The following ZFC3H1 variants were observed in gnomAD, a reference collection of about 807,000 sequenced individuals.
ZFC3H1 encodes zinc finger C3H1 domain-containing protein.
In ZFC3H1, 71 loss-of-function variants were observed where a neutral mutation model predicts 243.7. That is an observed-to-expected ratio of 0.29 (90% CI 0.24 to 0.36). The LOEUF (loss-of-function observed/expected upper bound fraction) is 0.36, where lower values mean the gene tolerates loss of function less well. Among genes scored for constraint, ZFC3H1 ranks in the 10% least tolerant of loss-of-function variants. The probability of loss-of-function intolerance (pLI) is 1.00; values close to 1 mark genes in which losing one functional copy is unlikely to be tolerated. For missense variants in ZFC3H1, 1,966 were observed against 2,317.1 expected, an observed-to-expected ratio of 0.85 and a Z score of 3.11; for synonymous variants, 838 against 813.0, an observed-to-expected ratio of 1.03 and a Z score of -0.52.
chr12:71,656,950 A>C lies in ZFC3H1; in HGVS notation c.950T>G (p.Leu317Trp). Reference sequence around the variant, plus strand: ...TTTTGCTCCATCTTTAACTTTTTTCAAACGGTTCTTATCTCCTGGTAAAGT... The same window carrying C: ...TTTTGCTCCATCTTTAACTTTTTTCCAACGGTTCTTATCTCCTGGTAAAGT... Reference protein sequence around the residue: ...KLTLPGDKNRLKKVKDGAKPL... With the variant: ...KLTLPGDKNRWKKVKDGAKPL... Residue 317 changes from leucine (L) to tryptophan (W), a missense_variant, in exon 2 of 35, where the codon TTG becomes TGG. Around this residue, in one of 4 missense-constraint regions of ZFC3H1, gnomAD observed 484 missense variants for 449.7 expected, o/e 1.08. Transcript: ENST00000378743. The C allele has an allele frequency of 6.2e-7, 1 of 1,613,714 alleles. No individual in the cohort carries two copies. Among genetic ancestry groups the C allele is most frequent in the Non-Finnish European group, 8.5e-7 (1 of 1,179,862 alleles).
chr12:71,630,653 G>A lies in ZFC3H1; in HGVS notation c.3671C>T (p.Ser1224Phe), dbSNP rs752074320. Residue 1224 changes from serine to phenylalanine, a missense_variant, in exon 18 of 35, where the codon TCT becomes TTT. Coordinates refer to ENST00000378743, the MANE Select transcript of ZFC3H1 (RefSeq NM_144982.5). Reference sequence around the variant, plus strand: ...ACTTGTCTCTGCACAACCAATCAAAGACAGATTATATGACAGAATGTCCTG... The same window carrying A: ...ACTTGTCTCTGCACAACCAATCAAAAACAGATTATATGACAGAATGTCCTG... ...LFQDILSYNL[S>F]LIGCAETSTN... 1.9e-6 allele frequency: 3 copies of A among 1,613,586 alleles called. No individual in the cohort carries two copies. The highest frequency in any genetic ancestry group is 2.5e-6 in the Non-Finnish European group (3 of 1,179,792).
At chr12:71,629,572 CA>C in intron 19 of ZFC3H1, 36 bp downstream of exon 19, 1 of 1,244,902 alleles carries the variant, frequency 8.0e-7, no homozygotes. Flanking sequence ...CACACACACA[CA>C]CACACACACA....
At chr12:71,615,431 A>C (rs1879871774) in intron 27 of ZFC3H1, 115 bp from the exon 28 acceptor site, 2 of 701,498 alleles carry the variant, frequency 2.9e-6, no homozygotes, top group Non-Finnish European at 4.8e-6. Flanking sequence ...TTTTTTTAGA[A>C]AGCAATGAGA....
chr12:71,619,988 A>G lies in ZFC3H1; in HGVS notation c.4987T>C (p.Phe1663Leu). Residue 1663 changes from phenylalanine to leucine, a missense_variant, in exon 26 of 35, where the codon TTT (phenylalanine) becomes CTT (leucine). Coordinates refer to ENST00000378743, the MANE Select transcript of ZFC3H1 (RefSeq NM_144982.5). ...TCTGCATTCTGAGGATTTTTTTCAA[A>G]TGCAGTAAGCCACACTGCTCTGGCT... The part of the protein sequence containing the change: ...DKARAVWLTA[F>L]EKNPQNAEVF... 6.2e-7 allele frequency: 1 copy of G among 1,606,912 alleles called. No homozygotes were observed. The highest frequency in any genetic ancestry group is 8.5e-7 in the Non-Finnish European group (1 of 1,175,664).
Position 71,623,653 on chromosome 12 carries a change from AAC to A in ZFC3H1, c.4507-58_4507-57del, listed in dbSNP as rs1880087796. The stretch of plus-strand genomic sequence containing the variant: ...AAATTAGAGATGTCAGTACCAGATT[AAC>A]ATAATTTTTACTATGCTAAAGTTTA... On this transcript the variant is annotated intron_variant, in intron 23 of 34. Transcript: ENST00000378743. The A allele has an allele frequency of 5.5e-6, 7 of 1,277,712 alleles. No individual in the cohort carries two copies. In the South Asian group the frequency reaches 1.0e-4, roughly 18 times the overall value. 79.1% of individuals were successfully genotyped at this position (1,277,712 alleles called of 1,614,324 possible).
Position 71,609,792 on chromosome 12 carries a change from A to C in ZFC3H1, c.*636T>G, listed in dbSNP as rs1189065474. The C allele has an allele frequency of 6.6e-6, 1 of 152,598 alleles. No homozygotes were observed. The highest frequency in any genetic ancestry group is 6.6e-5 in the Admixed American group (1 of 15,260). 9.5% of individuals were successfully genotyped at this position (152,598 alleles called of 1,614,324 possible). On this transcript the variant is annotated 3_prime_UTR_variant, in exon 35 of 35. Transcript: ENST00000378743. ...TAGGTTCTGATGCACTGGCATTTGC[A>C]ATAGTTTCTTTAATCTTCAAGTTAA... is the stretch of plus-strand genomic sequence containing the variant.
At chr12:71,646,744 G>A (rs911291362) in intron 3 of ZFC3H1, among the ~76,000 whole-genome samples, 2 of 152,044 alleles carry the variant, frequency 1.3e-5, no homozygotes, top group African/African-American at 2.4e-5. Flanking sequence ...AAGCCACCAC[G>A]CCCAGTGACA....
intron 2 of ZFC3H1, among the ~76,000 whole-genome samples, chr12:71,654,985 G>A (rs1012848406): frequency 2.0e-5 from 3 of 152,004 alleles, no homozygotes; most frequent in African/African-American, 7.2e-5. Context: ...AGTATTTAAA[G>A]CAAAAAGTAA....
intron 1 of ZFC3H1, chr12:71,660,517 C>A (rs1235746567): frequency 1.4e-5 from 2 of 144,492 alleles, no homozygotes; most frequent in Non-Finnish European, 3.1e-5. Context: ...TTTTCTGGTA[C>A]TTTTTTTTTT....
At chr12:71,654,814 T>C (rs1149021) in intron 2 of ZFC3H1, among the ~76,000 whole-genome samples, 78,241 of 152,048 alleles carry the variant, frequency 0.51, 24,832 homozygotes, top group Non-Finnish European at 0.71. Context: ...CTATACTATG[T>C]ACAAGTAATA....
intron 22 of ZFC3H1, among the ~76,000 whole-genome samples, chr12:71,624,884 T>C (rs757504118): frequency 6.6e-6 from 1 of 152,098 alleles, no homozygotes; most frequent in African/African-American, 2.4e-5. Flanking sequence ...GGAGGACCGC[T>C]TCAACCCAGG....
rs1041952805 is a variant in ZFC3H1 at position 71,610,248 on chromosome 12, G to A, written c.*180C>T. ...AAACAGGAAGTTCATTTATCCAACC[G>A]AAGAGGATCATGTTCATTGCTTCCG... On this transcript the variant is annotated 3_prime_UTR_variant, in exon 35 of 35. Transcript: ENST00000378743. The A allele has an allele frequency of 2.0e-5, 13 of 662,704 alleles. No individual in the cohort carries two copies. Among genetic ancestry groups the A allele is most frequent in the South Asian group, 1.6e-4 (6 of 37,210 alleles). The allele number at this position is 662,704 out of a possible 1,614,324, so 41.1% of individuals were successfully genotyped here.
chr12:71,653,290 C>T (rs1002769142), intron 2 of ZFC3H1, among the ~76,000 whole-genome samples: 2 of 152,120 alleles, frequency 1.3e-5, no homozygotes, highest in East Asian at 3.8e-4. Context: ...AAATCGAATA[C>T]AGCAGAAGAG....
rs1880690737 is a variant in ZFC3H1 at position 71,644,933 on chromosome 12, T to C, written c.1223A>G (p.Gln408Arg). 2 of 1,612,694 alleles carry C rather than the reference T, an allele frequency of 1.2e-6. No individual in the cohort carries two copies. Among genetic ancestry groups the C allele is most frequent in the African/African-American group, 2.7e-5 (2 of 74,900 alleles). ...TTTTGTACTTGTTTTAACTTTTTGCTGTACAGTTTTCGTCTTAGTCAACTT... is the reference window on the plus strand; with the variant it reads ...TTTTGTACTTGTTTTAACTTTTTGCCGTACAGTTTTCGTCTTAGTCAACTT... Reference protein sequence around the residue: ...KEKLTKTKTVQQKVKTSTKTH... With the variant: ...KEKLTKTKTVRQKVKTSTKTH... The change falls in exon 4 of 35, where the codon CAG (glutamine) becomes CGG (arginine). Residue 408 changes from glutamine to arginine, a missense_variant. Around this residue, in one of 4 missense-constraint regions of ZFC3H1, gnomAD observed 91 missense variants for 107.6 expected, o/e 0.85. Coordinates refer to ENST00000378743, the MANE Select transcript of ZFC3H1 (RefSeq NM_144982.5).
Position 71,632,273 on chromosome 12 carries a change from T to A in ZFC3H1, c.3059A>T (p.Asp1020Val). Residue 1020 changes from aspartate (D) to valine (V), a missense_variant, in exon 15 of 35, where the codon GAT becomes GTT. By Grantham distance (152) the Asp-to-Val change is radical. Around this residue, in one of 4 missense-constraint regions of ZFC3H1, gnomAD observed 1,383 missense variants for 1,723.7 expected, o/e 0.80. Coordinates refer to ENST00000378743, the MANE Select transcript of ZFC3H1 (RefSeq NM_144982.5). ...PQPSLHDLTQ[D>V]KLTLDTEEND... is the part of the protein sequence containing the mutation. ...TTCTTCAGTGTCCAGGGTTAATTTA[T>A]CTTGTGTCAGATCATGAAGTGAGGG... is the stretch of plus-strand genomic sequence containing the variant. 9 of 1,613,920 alleles carry A rather than the reference T, an allele frequency of 5.6e-6. No homozygotes were observed. The highest frequency in any genetic ancestry group is 6.8e-6 in the Non-Finnish European group (8 of 1,179,876).
chr12:71,648,488 T>C (rs958383200), intron 2 of ZFC3H1, among the ~76,000 whole-genome samples: 2 of 152,204 alleles, frequency 1.3e-5, no homozygotes, highest in African/African-American at 4.8e-5. Context: ...AAACAGATTA[T>C]GTTAAAAACT....
chr12:71,661,301 A>AAAAT (rs954320263), intron 1 of ZFC3H1, among the ~76,000 whole-genome samples: 37 of 151,924 alleles, frequency 2.4e-4, no homozygotes, highest in Middle Eastern at 3.4e-3. Flanking sequence ...CTCTGTCTCA[A>AAAAT]AAATAAATAA....
chr12:71,634,942 A>T, intron 10 of ZFC3H1, 117 bp from the exon 11 acceptor site: 1 of 1,181,018 alleles, frequency 8.5e-7, no homozygotes, highest in Non-Finnish European at 1.1e-6. Context: ...GAAATACCTG[A>T]ATGTCATCAT....
At chr12:71,655,125 T>C (rs1477754759) in intron 2 of ZFC3H1, among the ~76,000 whole-genome samples, 1 of 152,094 alleles carries the variant, frequency 6.6e-6, no homozygotes, top group Non-Finnish European at 1.5e-5. Context: ...ATTTCAAACA[T>C]ACACAGAACT....
Sources: allele counts gnomAD v4.1 joint callset (sites outside exome capture counted in the v4.1 genomes callset), GRCh38; gene constraint gnomAD v4.1.1; regional missense constraint gnomAD v4.1.1; transcripts MANE v1.5; gene names NCBI Gene and HGNC (gene_info 2026-07-23, HGNC 2026-07-21).